LRBA: variants seen among roughly 807,000 people sequenced by gnomAD.
LRBA encodes LPS responsive beige-like anchor protein.
Under a neutral mutation model 330.0 loss-of-function variants are expected in LRBA, and 176 were observed. The observed-to-expected ratio is 0.53, with a 90% CI of 0.47 to 0.60. The LOEUF (loss-of-function observed/expected upper bound fraction) is 0.60, where lower values mean the gene tolerates loss of function less well. LRBA is among the 20% of genes least tolerant of loss of function. The pLI is 0.00. For missense variants in LRBA, 3,259 were observed against 3,444.8 expected (o/e 0.95, Z 1.35); for synonymous variants, 1,230 against 1,193.0 (o/e 1.03, Z -0.64).
intron 40 of LRBA, among the ~76,000 whole-genome samples, chr4:150,493,578 G>C (rs953339571): frequency 2.4e-4 from 37 of 151,976 alleles, no homozygotes; most frequent in Admixed American, 2.4e-3. Flanking sequence ...GAAAAACTAG[G>C]GTATCCAGCA....
chr4:150,361,262 G>T lies in LRBA; in HGVS notation c.7195-11103C>A, dbSNP rs1057311843. Among the ~76,000 whole-genome samples, 8 of 152,224 alleles carry T rather than the reference G, an allele frequency of 5.3e-5. No homozygotes were observed. In the South Asian group the frequency reaches 1.7e-3, roughly 32 times the overall value. On this transcript the variant is annotated intron_variant, in intron 47 of 56. Coordinates refer to ENST00000651943, the MANE Select transcript of LRBA (RefSeq NM_001364905.1). ...TGCATTTTCGATTAAATAATGATTA[G>T]TTAATAGGGTCAGTCTTTTAAAATT...
intron 36 of LRBA, among the ~76,000 whole-genome samples, chr4:150,733,477 C>T (rs1194578167): frequency 6.6e-6 from 1 of 151,782 alleles, no homozygotes; most frequent in Non-Finnish European, 1.5e-5. Context: ...TCTGGGAGAA[C>T]AGTGAATAGG....
At chr4:150,375,345 T>C (rs7678875) in intron 47 of LRBA, among the ~76,000 whole-genome samples, 137,495 of 152,214 alleles carry the variant, frequency 0.9, 62,343 homozygotes, top group Non-Finnish European at 0.95. Context: ...TGGAGGATAA[T>C]CAGAACACCT....
chr4:150,962,702 C>A (rs896251435), intron 2 of LRBA, among the ~76,000 whole-genome samples: 3 of 148,910 alleles, frequency 2.0e-5, no homozygotes, highest in African/African-American at 7.8e-5. Context: ...GCCTGTAATC[C>A]CAGCACTTTG....
rs115855553 is a variant in LRBA, at chr4:150,344,364, C to T, written c.7362+5628G>A. 4.0e-3 allele frequency among the ~76,000 whole-genome samples: 603 copies of T among 152,294 alleles called. 1 individual carries two copies. The highest frequency in any genetic ancestry group is 6.0e-3 in the Non-Finnish European group (405 of 68,012). Reference sequence around the variant, plus strand: ...TTTTCTTTATTTACTGTGTTTACTTCAACATCTCCCATTCATAACACAATC... The same window carrying T: ...TTTTCTTTATTTACTGTGTTTACTTTAACATCTCCCATTCATAACACAATC... On this transcript the variant is annotated intron_variant, in intron 48 of 56. Coordinates refer to ENST00000651943, the MANE Select transcript of LRBA (RefSeq NM_001364905.1).
chr4:150,724,285 G>A (rs1729360430), intron 36 of LRBA, among the ~76,000 whole-genome samples: 1 of 152,096 alleles, frequency 6.6e-6, no homozygotes, highest in Non-Finnish European at 1.5e-5. Flanking sequence ...GACCCTGTTT[G>A]TATGGGAGAA....
chr4:150,719,973 G>T (rs1042334193), intron 36 of LRBA, among the ~76,000 whole-genome samples: 7 of 151,948 alleles, frequency 4.6e-5, no homozygotes, highest in Non-Finnish European at 8.8e-5. Flanking sequence ...CAAAATCTTA[G>T]AAAAAAATGA....
intron 46 of LRBA, among the ~76,000 whole-genome samples, chr4:150,419,778 T>C (rs112001814): frequency 0.15 from 22,189 of 150,968 alleles, 1,647 homozygotes; most frequent in Middle Eastern, 0.17. Context: ...GCTGAGATTA[T>C]AGGCGCCTGT....
chr4:150,362,930 C>A (rs1352174323), intron 47 of LRBA, among the ~76,000 whole-genome samples: 1 of 151,816 alleles, frequency 6.6e-6, no homozygotes, highest in Non-Finnish European at 1.5e-5. Flanking sequence ...GCAGCCTGGG[C>A]AACATGATGA....
intron 36 of LRBA, among the ~76,000 whole-genome samples, chr4:150,713,495 T>A (rs1786435913): frequency 6.6e-6 from 1 of 152,174 alleles, no homozygotes; most frequent in African/African-American, 2.4e-5. Flanking sequence ...AAGCAAAAAG[T>A]CCAGGAGATT....
chr4:150,266,465 G>A (rs1381224400), intron 56 of LRBA, among the ~76,000 whole-genome samples: 4 of 152,160 alleles, frequency 2.6e-5, no homozygotes, highest in Non-Finnish European at 5.9e-5. Flanking sequence ...GGTGGTGCAG[G>A]GAAAGAGATG....
chr4:150,803,325 T>C (rs542497165), intron 33 of LRBA, among the ~76,000 whole-genome samples: 1 of 151,942 alleles, frequency 6.6e-6, no homozygotes, highest in Non-Finnish European at 1.5e-5. Context: ...ATATCTAAGA[T>C]AGTTTTAAAT....
chr4:150,651,182 A>C (rs1252398453), intron 37 of LRBA, among the ~76,000 whole-genome samples: 1 of 152,182 alleles, frequency 6.6e-6, no homozygotes, highest in East Asian at 1.9e-4. Context: ...ATAAATAATA[A>C]AATATCAAAT....
At chr4:150,313,823 T>C (rs1731373238) in intron 51 of LRBA, among the ~76,000 whole-genome samples, 1 of 139,006 alleles carries the variant, frequency 7.2e-6, no homozygotes, top group Non-Finnish European at 1.5e-5. Flanking sequence ...ATTTGTTTCA[T>C]ATAGAATATA....
chr4:150,273,852 A>ATAAT lies in LRBA; in HGVS notation c.8468+3997_8468+4000dup, dbSNP rs1181395427. On this transcript the variant is annotated intron_variant, in intron 56 of 56. Coordinates refer to ENST00000651943, the MANE Select transcript of LRBA (RefSeq NM_001364905.1). The stretch of plus-strand genomic sequence containing the variant: ...ACAAAGAGACTTAGACTCCCACACA[A>ATAAT]TAATAGTGGGAGATTTTAACACCCC... Among the ~76,000 whole-genome samples, 95 of 152,144 alleles carry ATAAT rather than the reference A, an allele frequency of 6.2e-4. 5 individuals carry two copies. The highest frequency in any genetic ancestry group is 1.6e-4 in the Non-Finnish European group (11 of 68,020).
intron 40 of LRBA, among the ~76,000 whole-genome samples, chr4:150,521,571 C>G (rs1342767694): frequency 6.6e-6 from 1 of 152,112 alleles, no homozygotes; most frequent in Non-Finnish European, 1.5e-5. Flanking sequence ...TTCATTATGA[C>G]TGTTAAATAC....
At position 150,631,454 on chromosome 4, in the gene LRBA, T is replaced by C. The variant is rs77584559; in HGVS notation, c.5922-32323A>G. ...AACATGTTAAGTTATATAGGAAAAATTGATTTATCATTTTGAAGCAAACCA... is the reference window on the plus strand; with the variant it reads ...AACATGTTAAGTTATATAGGAAAAACTGATTTATCATTTTGAAGCAAACCA... On this transcript the variant is annotated intron_variant, in intron 37 of 56. Coordinates refer to ENST00000651943, the MANE Select transcript of LRBA (RefSeq NM_001364905.1). Among the ~76,000 whole-genome samples, 98 of 152,206 alleles carry C rather than the reference T, an allele frequency of 6.4e-4. 1 individual carries two copies. The highest frequency in any genetic ancestry group is 2.4e-3 in the Admixed American group (37 of 15,280).
At chr4:150,669,030 T>G (rs1455293497) in intron 37 of LRBA, among the ~76,000 whole-genome samples, 1 of 152,132 alleles carries the variant, frequency 6.6e-6, no homozygotes, top group Non-Finnish European at 1.5e-5. Flanking sequence ...AACCAGTCAT[T>G]GTGATGATTC....
At chr4:150,409,053 T>C (rs1035208874) in intron 47 of LRBA, among the ~76,000 whole-genome samples, 7 of 152,092 alleles carry the variant, frequency 4.6e-5, no homozygotes, top group Non-Finnish European at 1.0e-4. Flanking sequence ...AATTGGGTCA[T>C]TACAGAAGTC....
Sources: gnomAD v4.1 joint callset for allele counts (sites outside exome capture counted in the v4.1 genomes callset) on GRCh38, gnomAD v4.1.1 for gene constraint, MANE v1.5 for transcripts, NCBI Gene and HGNC (gene_info 2026-07-23, HGNC 2026-07-21) for gene names.